The following SPNS2 variants were observed in gnomAD, a reference collection of about 807,000 sequenced individuals.
SPNS2 encodes the protein sphingosine-1-phosphate transporter SPNS2.
SPNS2 carries 37 observed loss-of-function variants against 57.6 expected under a neutral mutation model. The ratio of observed to expected loss-of-function variants is 0.64; its 90% CI spans 0.49 to 0.85. SPNS2 has a LOEUF of 0.85. SPNS2 is among the 40% of genes least tolerant of loss of function. SPNS2 has a pLI of 0.00. For missense variants in SPNS2, 831 were observed against 779.1 expected (o/e 1.07, Z -0.79); for synonymous variants, 440 against 346.9 (o/e 1.27, Z -2.98).
chr17:4,526,962 C>G (rs1348719813), intron 3 of SPNS2, among the ~76,000 whole-genome samples: 2 of 152,226 alleles, frequency 1.3e-5, no homozygotes, highest in African/African-American at 4.8e-5. Context: ...TAGGGCCCCT[C>G]AGGACCTTGT....
chr17:4,531,189 G>A (rs1905453958), intron 5 of SPNS2, 70 bp downstream of exon 5: 1 of 1,490,968 alleles, frequency 6.7e-7, no homozygotes, highest in Non-Finnish European at 9.3e-7. Context: ...GCCCAGAGAT[G>A]TAATCCAGGC....
chr17:4,522,577 C>T (rs561235216), intron 2 of SPNS2, among the ~76,000 whole-genome samples: 90 of 152,376 alleles, frequency 5.9e-4, no homozygotes, highest in Middle Eastern at 6.8e-3. Flanking sequence ...CCTCCTTCCT[C>T]CCTCCCTCTT....
intron 5 of SPNS2, 147 bp from the exon 6 acceptor site, chr17:4,532,395 G>A (rs1905526718): frequency 8.3e-7 from 1 of 1,209,358 alleles, no homozygotes; most frequent in Non-Finnish European, 1.2e-6. Flanking sequence ...GCTTTTCTCA[G>A]CAGCCCAATT....
At chr17:4,534,234 T>A (rs1905651767) in intron 9 of SPNS2, among the ~76,000 whole-genome samples, 2 of 151,732 alleles carry the variant, frequency 1.3e-5, no homozygotes, top group Non-Finnish European at 2.9e-5. Context: ...CTCCCAGGCG[T>A]GCCTGCGGCT....
At chr17:4,536,821 C>G (rs756457000) in intron 11 of SPNS2, 79 bp from the exon 12 acceptor site, 1 of 1,239,362 alleles carries the variant, frequency 8.1e-7, no homozygotes, top group Non-Finnish European at 1.2e-6. Flanking sequence ...CTGGCCCCCA[C>G]GACACGATGT....
chr17:4,531,378 G>C (rs1459927073), intron 5 of SPNS2, among the ~76,000 whole-genome samples: 2 of 152,204 alleles, frequency 1.3e-5, no homozygotes, highest in African/African-American at 4.8e-5. Flanking sequence ...CTCCCACCCG[G>C]GAGTCCCAGG....
intron 12 of SPNS2, 55 bp downstream of exon 12, chr17:4,537,001 G>A (rs991076019): frequency 9.4e-6 from 15 of 1,593,980 alleles, no homozygotes; most frequent in African/African-American, 1.4e-5. Context: ...GGAAGGCCAG[G>A]GTTAGGCAAC....
chr17:4,504,744 T>C (rs1378458284), intron 1 of SPNS2, among the ~76,000 whole-genome samples: 1 of 152,198 alleles, frequency 6.6e-6, no homozygotes, highest in Non-Finnish European at 1.5e-5. Flanking sequence ...GGCTCCCTCT[T>C]AAGCTCCAAA....
At position 4,536,061 on chromosome 17, in the gene SPNS2, C is replaced by T. The variant is rs74592437; in HGVS notation, c.1345-15C>T. On this transcript the variant is annotated splice_polypyrimidine_tract_variant and intron_variant, in intron 9 of 12. Coordinates refer to ENST00000329078, the MANE Select transcript of SPNS2 (RefSeq NM_001124758.3). ...CTTTCTCCTCTGGCCGCTGACCTGC[C>T]CGCCTGTTCCGCAGTACGTGGTCAT... 0.032 allele frequency: 51,486 copies of T among 1,606,236 alleles called. 1,025 individuals are homozygous for T. Among genetic ancestry groups the T allele is most frequent in the Middle Eastern group, 0.051 (288 of 5,632 alleles).
Position 4,536,433 on chromosome 17 carries a change from G to GGT in SPNS2, c.1607+8_1607+9insTG. 3 of 1,500,366 alleles carry GGT rather than the reference G, an allele frequency of 2.0e-6. No homozygotes were observed. Among genetic ancestry groups the GGT allele is most frequent in the South Asian group, 1.1e-5 (1 of 87,410 alleles). The allele number at this position is 1,500,366 out of a possible 1,614,324, so 92.9% of individuals were successfully genotyped here. ...GCGCCAGGGCTGAGCAGCAGTGAGTGGGGGGGAGGGGAGGCCCTGCTGCAC... is the reference window on the plus strand; with the variant it reads ...GCGCCAGGGCTGAGCAGCAGTGAGTGGTGGGGGGAGGGGAGGCCCTGCTGCAC... On this transcript the variant is annotated splice_region_variant and intron_variant, in intron 11 of 12. Coordinates refer to ENST00000329078, the MANE Select transcript of SPNS2 (RefSeq NM_001124758.3).
At chr17:4,522,873 G>A (rs1905173615) in intron 2 of SPNS2, among the ~76,000 whole-genome samples, 1 of 152,234 alleles carries the variant, frequency 6.6e-6, no homozygotes, top group African/African-American at 2.4e-5. Context: ...CCTCCCTGTG[G>A]AATCTTCTAA....
chr17:4,538,104 C>T lies in SPNS2; in HGVS notation c.*656C>T, dbSNP rs1044805526. ...GGGTTGGCTCCCAGCCTGGAGGTCC[C>T]AGATGGGGACTGTTCTGACAAGCTG... On this transcript the variant is annotated 3_prime_UTR_variant, in exon 13 of 13. Transcript: ENST00000329078. 17 of 331,836 alleles carry T rather than the reference C, an allele frequency of 5.1e-5. No homozygotes were observed. The highest frequency in any genetic ancestry group is 7.8e-5 in the Non-Finnish European group (13 of 167,254). The allele number at this position is 331,836 out of a possible 1,614,324, so 20.6% of individuals were successfully genotyped here.
chr17:4,513,374 G>T, intron 2 of SPNS2, 62 bp downstream of exon 2: 4 of 1,570,752 alleles, frequency 2.5e-6, no homozygotes, highest in South Asian at 1.1e-5. Flanking sequence ...GTCCTGTCCT[G>T]TTGGTCGTCA....
chr17:4,528,161 T>C (rs1567593643), intron 3 of SPNS2, among the ~76,000 whole-genome samples: 1 of 151,854 alleles, frequency 6.6e-6, no homozygotes, highest in African/African-American at 2.4e-5. Context: ...TAGCTGGGAT[T>C]ACAGGCACGC....
At chr17:4,514,825 G>A (rs949590518) in intron 2 of SPNS2, among the ~76,000 whole-genome samples, 2 of 152,242 alleles carry the variant, frequency 1.3e-5, no homozygotes, top group African/African-American at 2.4e-5. Context: ...CCACATGGGC[G>A]CATGGGAAGG....
At position 4,536,432 on chromosome 17, in the gene SPNS2, T is replaced by TGGGG. The variant is rs3053652; in HGVS notation, c.1607+10_1607+13dup. On this transcript the variant is annotated splice_region_variant and intron_variant, in intron 11 of 12. Coordinates refer to ENST00000329078, the MANE Select transcript of SPNS2 (RefSeq NM_001124758.3). ...CGCGCCAGGGCTGAGCAGCAGTGAG[T>TGGGG]GGGGGGGAGGGGAGGCCCTGCTGCA... 3 of 1,578,566 alleles carry TGGGG rather than the reference T, an allele frequency of 1.9e-6. No individual in the cohort carries two copies. The highest frequency in any genetic ancestry group is 1.5e-5 in the African/African-American group (1 of 66,462).
At chr17:4,535,175 A>C (rs1364142798) in intron 9 of SPNS2, among the ~76,000 whole-genome samples, 2 of 150,758 alleles carry the variant, frequency 1.3e-5, no homozygotes, top group African/African-American at 4.9e-5. Context: ...CCCCCACCCC[A>C]GCCCCTCCTG....
In SPNS2 at chr17:4,537,508, C is replaced by T. The variant is rs1905916876; in HGVS notation, c.*60C>T. ...CCCACCTCGTCTGGGAGGTGTCCTA[C>T]AGCGTCCGGGACCGGCTGGGCTGCC... On this transcript the variant is annotated 3_prime_UTR_variant, in exon 13 of 13. Transcript: ENST00000329078. 2.2e-6 allele frequency: 1 copy of T among 456,898 alleles called. No homozygotes were observed. Among genetic ancestry groups the T allele is most frequent in the South Asian group, 1.5e-5 (1 of 64,578 alleles). 28.3% of individuals were successfully genotyped at this position (456,898 alleles called of 1,614,324 possible). A position where few individuals can be genotyped will look rare whatever the true frequency, so the allele number is the denominator to read the frequency against.
rs181442096 is a variant in SPNS2 at position 4,518,416 on chromosome 17, G to A, written c.436+5104G>A. ...GCGGGTGCCTGTAATCCCGCTACTC[G>A]GGAGACTGAGGCAGGGGAATGGCAT... On this transcript the variant is annotated intron_variant, in intron 2 of 12. Coordinates refer to ENST00000329078, the MANE Select transcript of SPNS2 (RefSeq NM_001124758.3). Among the ~76,000 whole-genome samples the A allele has an allele frequency of 3.5e-3, 535 of 152,326 alleles. 2 individuals are homozygous for A. The highest frequency in any genetic ancestry group is 0.012 in the African/African-American group (506 of 41,584).
Sources: allele counts gnomAD v4.1 joint callset (sites outside exome capture counted in the v4.1 genomes callset), GRCh38; gene constraint gnomAD v4.1.1; transcripts MANE v1.5; gene names NCBI Gene and HGNC (gene_info 2026-07-23, HGNC 2026-07-21).